Variants in FCHO2 observed in about 807,000 individuals in gnomAD.
FCHO2 encodes FCH and mu domain containing endocytic adaptor 2, also known as F-BAR domain only protein 2.
FCHO2 carries 43 observed loss-of-function variants against 114.1 expected under a neutral mutation model. The observed-to-expected ratio is 0.38, with a 90% CI of 0.30 to 0.49. The LOEUF (loss-of-function observed/expected upper bound fraction) is 0.49. FCHO2 is among the 20% of genes least tolerant of loss of function. The pLI, the probability that FCHO2 is intolerant of heterozygous loss-of-function variation, is 0.97. For missense variants in FCHO2, 807 were observed against 950.4 expected (o/e 0.85, Z 1.98); for synonymous variants, 293 against 315.2 (o/e 0.93, Z 0.75).
At chr5:73,020,099 A>ATT (rs1561453686) in intron 8 of FCHO2, among the ~76,000 whole-genome samples, 1 of 152,168 alleles carries the variant, frequency 6.6e-6, no homozygotes, top group Admixed American at 6.5e-5. Context: ...CCAGAGGCCC[A>ATT]TTTAATAATG....
chr5:72,982,049 C>T (rs561063895), intron 2 of FCHO2, among the ~76,000 whole-genome samples: 1 of 152,150 alleles, frequency 6.6e-6, no homozygotes, highest in South Asian at 2.1e-4. Context: ...TGTAGGCACC[C>T]GAGGGAATCT....
intron 6 of FCHO2, among the ~76,000 whole-genome samples, chr5:73,011,612 A>G (rs1304714600): frequency 1.3e-5 from 2 of 152,158 alleles, no homozygotes; most frequent in African/African-American, 4.8e-5. Context: ...AGTAGCATGC[A>G]TAGAACTATC....
intron 6 of FCHO2, among the ~76,000 whole-genome samples, chr5:73,013,062 G>A (rs1755106179): frequency 6.6e-6 from 1 of 152,108 alleles, no homozygotes; most frequent in East Asian, 1.9e-4. Context: ...TAAGTTAAGG[G>A]CCATCCTTCT....
intron 1 of FCHO2, among the ~76,000 whole-genome samples, chr5:72,964,614 C>T (rs1465953289): frequency 1.3e-5 from 2 of 152,166 alleles, no homozygotes; most frequent in African/African-American, 4.8e-5. Flanking sequence ...TCTCAAACTC[C>T]TGACCTCAGG....
chr5:73,085,040 GA>G (rs1743247824), intron 24 of FCHO2, among the ~76,000 whole-genome samples: 2 of 152,154 alleles, frequency 1.3e-5, no homozygotes, highest in African/African-American at 4.8e-5. Flanking sequence ...TAACAAGAAA[GA>G]AATTTGTTCT....
chr5:73,029,907 G>T (rs753124722), intron 8 of FCHO2, among the ~76,000 whole-genome samples: 1 of 152,142 alleles, frequency 6.6e-6, no homozygotes, highest in Non-Finnish European at 1.5e-5. Context: ...CGTGGGAATC[G>T]CATTTCCACA....
chr5:73,018,783 C>T (rs891016568), intron 8 of FCHO2, among the ~76,000 whole-genome samples: 1 of 152,168 alleles, frequency 6.6e-6, no homozygotes, highest in African/African-American at 2.4e-5. Context: ...ATATTTGAGC[C>T]ATCCAGCCCA....
At chr5:73,046,526 G>A (rs1297460884) in intron 11 of FCHO2, among the ~76,000 whole-genome samples, 2 of 152,084 alleles carry the variant, frequency 1.3e-5, no homozygotes, top group Non-Finnish European at 2.9e-5. Flanking sequence ...CAAATTTAAA[G>A]TAGTCCATTG....
chr5:73,019,419 G>T (rs899409325), intron 8 of FCHO2, among the ~76,000 whole-genome samples: 16 of 152,122 alleles, frequency 1.1e-4, no homozygotes, highest in African/African-American at 3.9e-4. Context: ...GTGCACATCT[G>T]TAATCCCAGC....
In FCHO2 at chr5:73,074,759, A is replaced by G; in HGVS notation, c.1597A>G (p.Ser533Gly). 6.2e-7 allele frequency: 1 copy of G among 1,612,792 alleles called. No homozygotes were observed. The highest frequency in any genetic ancestry group is 8.5e-7 in the Non-Finnish European group (1 of 1,179,382). ...TPTVGVSRGP[S>G]PVSLGNQDTL... ...TATTCTAGGTGTGTCACGGGGTCCC[A>G]GCCCTGTCAGCCTTGGAAATCAGGA... The change falls in exon 20 of 26, where the codon AGC becomes GGC. Residue 533 changes from serine to glycine, a missense_variant. By Grantham distance (56) the Ser-to-Gly change is moderately conservative. Coordinates refer to ENST00000430046, the MANE Select transcript of FCHO2 (RefSeq NM_138782.3).
chr5:72,965,608 G>T (rs1300284748), intron 1 of FCHO2, among the ~76,000 whole-genome samples: 1 of 152,176 alleles, frequency 6.6e-6, no homozygotes, highest in East Asian at 1.9e-4. Context: ...GGCCAGAGTG[G>T]CACTGGAGAG....
chr5:73,017,693 T>C lies in FCHO2; in HGVS notation c.796+385T>C, dbSNP rs1364586722. Among the ~76,000 whole-genome samples the C allele has an allele frequency of 2.6e-5, 4 of 152,246 alleles. No homozygotes were observed. The East Asian group carries it at 7.7e-4, about 29-fold the overall frequency. On this transcript the variant is annotated intron_variant, in intron 8 of 25. Transcript: ENST00000430046. Reference sequence around the variant, plus strand: ...ATAAAAGAAAGATTGGGAGAGAATATTGAACGCTCAGAACATTGAGACCAA... The same window carrying C: ...ATAAAAGAAAGATTGGGAGAGAATACTGAACGCTCAGAACATTGAGACCAA...
intron 2 of FCHO2, among the ~76,000 whole-genome samples, chr5:72,983,039 G>A (rs1046051418): frequency 1.3e-5 from 2 of 151,154 alleles, no homozygotes; most frequent in Admixed American, 6.6e-5. Context: ...TCAGCCTCCC[G>A]AGTAGCTGGG....
chr5:73,018,856 C>T (rs1424004882), intron 8 of FCHO2, among the ~76,000 whole-genome samples: 1 of 152,144 alleles, frequency 6.6e-6, no homozygotes, highest in East Asian at 1.9e-4. Flanking sequence ...TAGCAATCCC[C>T]TTCCTAAATA....
intron 17 of FCHO2, among the ~76,000 whole-genome samples, chr5:73,061,020 A>T (rs1724857875): frequency 6.6e-6 from 1 of 151,722 alleles, no homozygotes; most frequent in Admixed American, 6.6e-5. Context: ...AAAAAAAAAA[A>T]ACCGCTTAAA....
intron 2 of FCHO2, among the ~76,000 whole-genome samples, chr5:72,972,082 C>T (rs946370901): frequency 6.6e-6 from 1 of 151,968 alleles, no homozygotes; most frequent in African/African-American, 2.4e-5. Flanking sequence ...GTAGCAGTAC[C>T]ATGCTGTTTT....
intron 11 of FCHO2, among the ~76,000 whole-genome samples, chr5:73,044,100 G>A (rs996174980): frequency 6.6e-6 from 1 of 152,164 alleles, no homozygotes; most frequent in Non-Finnish European, 1.5e-5. Flanking sequence ...CTCTGGCCAT[G>A]TAAGATATGC....
intron 1 of FCHO2, among the ~76,000 whole-genome samples, chr5:72,956,454 G>A (rs1419958295): frequency 2.0e-5 from 3 of 151,482 alleles, no homozygotes; most frequent in Admixed American, 1.3e-4. Context: ...GCCGCGCTCC[G>A]CGCGGGGCGT....
intron 11 of FCHO2, among the ~76,000 whole-genome samples, chr5:73,050,241 T>G (rs1482215389): frequency 1.3e-5 from 2 of 152,112 alleles, no homozygotes; most frequent in Non-Finnish European, 2.9e-5. Flanking sequence ...GTCTTAAGTC[T>G]CTCTTGATCT....
Sources: gnomAD v4.1 joint callset for allele counts (sites outside exome capture counted in the v4.1 genomes callset) on GRCh38, gnomAD v4.1.1 for gene constraint, MANE v1.5 for transcripts, NCBI Gene and HGNC (gene_info 2026-07-23, HGNC 2026-07-21) for gene names.